PDE10A: variants seen among roughly 807,000 people sequenced by gnomAD.
The protein encoded by PDE10A is phosphodiesterase 10A.
Under a neutral mutation model 97.7 loss-of-function variants are expected in PDE10A, and 39 were observed. The ratio of observed to expected loss-of-function variants is 0.40; its 90% CI spans 0.31 to 0.52. The LOEUF (loss-of-function observed/expected upper bound fraction) is 0.52, where lower values mean the gene tolerates loss of function less well. Ranked by LOEUF, PDE10A falls within the 20% of genes least tolerant of loss-of-function variation. The pLI, the probability that PDE10A is intolerant of heterozygous loss-of-function variation, is 0.56. For missense variants in PDE10A, 731 were observed against 1,047.8 expected (o/e 0.70, Z 4.17); for synonymous variants, 371 against 376.8 (o/e 0.98, Z 0.18).
chr6:165,775,007 G>A (rs889579952), intron 1 of PDE10A: 4 of 152,098 alleles, frequency 2.6e-5, no homozygotes, highest in African/African-American at 9.7e-5. Context: ...TTGTTTGGAA[G>A]AGAACCATCA....
chr6:165,620,620 G>A (rs1454877821), intron 1 of PDE10A, among the ~76,000 whole-genome samples: 2 of 152,206 alleles, frequency 1.3e-5, no homozygotes, highest in Non-Finnish European at 2.9e-5. Flanking sequence ...CAGAGGAAGA[G>A]GAAGGCAGGC....
intron 18 of PDE10A, among the ~76,000 whole-genome samples, chr6:165,352,999 G>C (rs978312957): frequency 1.3e-5 from 2 of 151,962 alleles, no homozygotes; most frequent in Non-Finnish European, 2.9e-5. Flanking sequence ...TCAACAATAA[G>C]AAAACACCCA....
At chr6:165,649,112 G>A (rs754365938) in intron 1 of PDE10A, among the ~76,000 whole-genome samples, 6 of 152,200 alleles carry the variant, frequency 3.9e-5, no homozygotes, top group Non-Finnish European at 5.9e-5. Context: ...TGCTCCACGG[G>A]TTACCTGAAG....
At chr6:165,727,401 G>A (rs1238892740) in intron 1 of PDE10A, among the ~76,000 whole-genome samples, 3 of 152,210 alleles carry the variant, frequency 2.0e-5, no homozygotes, top group Non-Finnish European at 2.9e-5. Flanking sequence ...GCTGGCTGAG[G>A]GAGAGAGAGG....
At chr6:165,597,634 A>G (rs1390081698) in intron 1 of PDE10A, among the ~76,000 whole-genome samples, 1 of 152,234 alleles carries the variant, frequency 6.6e-6, no homozygotes, top group Non-Finnish European at 1.5e-5. Context: ...CGTGCATTTT[A>G]TAGGACAGAA....
intron 1 of PDE10A, among the ~76,000 whole-genome samples, chr6:165,580,783 TGGTA>T (rs1785570230): frequency 6.6e-6 from 1 of 150,616 alleles, no homozygotes; most frequent in Non-Finnish European, 1.5e-5. Flanking sequence ...AGAAAGAAGA[TGGTA>T]AGTCTCCCAC....
chr6:165,547,674 C>T (rs1205473239), intron 1 of PDE10A, among the ~76,000 whole-genome samples: 1 of 152,174 alleles, frequency 6.6e-6, no homozygotes, highest in East Asian at 1.9e-4. Flanking sequence ...ATAAACACCA[C>T]AGCAGTATCT....
In PDE10A at chr6:165,903,125, A is replaced by G. The variant is rs145049407; in HGVS notation, c.-615+84404T>C. On this transcript the variant is annotated intron_variant, in intron 1 of 19. Coordinates refer to the PDE10A transcript ENST00000366882. ...TCCTAATTAAAATTGAGGTATGATAAAGGAGAGTAATAGGATGTTTGTAAG... is the reference window on the plus strand; with the variant it reads ...TCCTAATTAAAATTGAGGTATGATAGAGGAGAGTAATAGGATGTTTGTAAG... Among the ~76,000 whole-genome samples, 571 of 152,310 alleles carry G rather than the reference A, an allele frequency of 3.7e-3. 1 individual carries two copies. The highest frequency in any genetic ancestry group is 6.8e-3 in the Non-Finnish European group (464 of 68,020).
chr6:165,659,308 T>C (rs1790118118), intron 1 of PDE10A, among the ~76,000 whole-genome samples: 2 of 152,102 alleles, frequency 1.3e-5, no homozygotes, highest in Admixed American at 1.3e-4. Context: ...CACTCAACAA[T>C]TAGACACATT....
rs574537876 is a variant in PDE10A, at chr6:165,855,299, A to C, written c.-615+132230T>G. Among the ~76,000 whole-genome samples, 386 of 38,998 alleles carry C rather than the reference A, an allele frequency of 9.9e-3. 2 individuals are homozygous for C. The highest frequency in any genetic ancestry group is 0.035 in the African/African-American group (375 of 10,636). 25.6% of individuals were successfully genotyped at this position (38,998 alleles called of 152,430 possible). On this transcript the variant is annotated intron_variant, in intron 1 of 19. Transcript: ENST00000366882. The stretch of plus-strand genomic sequence containing the variant: ...CGAGGGGACTCATAGGCGGCGCGGG[A>C]AGTGGCGGGGGGGGGGGGGGACTCA...
At chr6:165,591,062 T>G (rs527398197) in intron 1 of PDE10A, among the ~76,000 whole-genome samples, 1 of 152,130 alleles carries the variant, frequency 6.6e-6, no homozygotes, top group Non-Finnish European at 1.5e-5. Context: ...TATTAGTCAT[T>G]TGGATCATAA....
intron 16 of PDE10A, among the ~76,000 whole-genome samples, chr6:165,389,729 G>A (rs1785550701): frequency 6.6e-6 from 1 of 152,218 alleles, no homozygotes; most frequent in African/African-American, 2.4e-5. Context: ...GAAACTGTCA[G>A]TGCCCATGTG....
intron 1 of PDE10A, among the ~76,000 whole-genome samples, chr6:165,669,140 A>G (rs1583754787): frequency 6.6e-6 from 1 of 152,232 alleles, no homozygotes; most frequent in Non-Finnish European, 1.5e-5. Context: ...AGAACTTGGT[A>G]TATTAAATCT....
At chr6:165,585,028 T>C (rs1009736507) in intron 1 of PDE10A, among the ~76,000 whole-genome samples, 5 of 152,216 alleles carry the variant, frequency 3.3e-5, no homozygotes, top group African/African-American at 9.6e-5. Flanking sequence ...GCAAGAATCT[T>C]TGCATTCTTC....
intron 18 of PDE10A, among the ~76,000 whole-genome samples, chr6:165,354,533 AATTCAAATCAGTT>A (rs1782901460): frequency 6.6e-6 from 1 of 152,222 alleles, no homozygotes; most frequent in Non-Finnish European, 1.5e-5. Context: ...TTATTTGAAT[AATTCAAATCAGTT>A]GTTCAACTGA....
intron 1 of PDE10A, among the ~76,000 whole-genome samples, chr6:165,594,379 G>A (rs1389873782): frequency 3.9e-5 from 6 of 152,008 alleles, no homozygotes; most frequent in Admixed American, 2.6e-4. Flanking sequence ...TTTGAATATC[G>A]GAAATAATAA....
At chr6:165,358,489 C>A (rs1442192395) in intron 18 of PDE10A, among the ~76,000 whole-genome samples, 1 of 146,626 alleles carries the variant, frequency 6.8e-6, no homozygotes, top group Non-Finnish European at 1.5e-5. Context: ...TTATTTTGTA[C>A]AATTTTAATA....
chr6:165,442,871 G>A (rs1790571659), intron 5 of PDE10A, among the ~76,000 whole-genome samples: 1 of 152,138 alleles, frequency 6.6e-6, no homozygotes, highest in Non-Finnish European at 1.5e-5. Context: ...GTAATGGGGA[G>A]GCTAAGGCGG....
In PDE10A at chr6:165,820,707, C is replaced by T. The variant is rs556810755; in HGVS notation, c.-615+166822G>A. Among the ~76,000 whole-genome samples the T allele has an allele frequency of 5.9e-5, 9 of 152,298 alleles. No individual in the cohort carries two copies. The East Asian group carries it at 7.7e-4, about 13-fold the overall frequency. ...CTGAAGGATACCCGGAATGAAGACA[C>T]GCACTTCCCTTTCCATTGCAGAAAC... On this transcript the variant is annotated intron_variant, in intron 1 of 19. Coordinates refer to the PDE10A transcript ENST00000366882.
Sources: gnomAD v4.1 joint callset for allele counts (sites outside exome capture counted in the v4.1 genomes callset) on GRCh38, gnomAD v4.1.1 for gene constraint, MANE v1.5 for transcripts, NCBI Gene and HGNC (gene_info 2026-07-23, HGNC 2026-07-21) for gene names.